Variants in CFAP57 observed in about 807,000 individuals in gnomAD.
The protein encoded by CFAP57 is cilia- and flagella-associated protein 57.
Under a neutral mutation model 146.8 loss-of-function variants are expected in CFAP57, and 116 were observed. The observed-to-expected ratio is 0.79, with a 90% CI of 0.68 to 0.92. CFAP57 has a LOEUF of 0.92. Ranked by LOEUF, CFAP57 falls within the 40% of genes least tolerant of loss-of-function variation. CFAP57 has a pLI of 0.00. For missense variants in CFAP57, 1,377 were observed against 1,527.2 expected (o/e 0.90, Z 1.64); for synonymous variants, 518 against 552.8 (o/e 0.94, Z 0.88).
chr1:43,188,418 G>C (rs1643288760), intron 6 of CFAP57, among the ~76,000 whole-genome samples: 1 of 152,026 alleles, frequency 6.6e-6, no homozygotes, highest in African/African-American at 2.4e-5. Context: ...TGAGCATTCT[G>C]ATTTCTCTAT....
At chr1:43,243,801 C>T (rs2124666169) in intron 22 of CFAP57, among the ~76,000 whole-genome samples, 1 of 152,046 alleles carries the variant, frequency 6.6e-6, no homozygotes, top group Non-Finnish European at 1.5e-5. Flanking sequence ...TGAACCTGTA[C>T]AATTAAAATG....
intron 21 of CFAP57, among the ~76,000 whole-genome samples, chr1:43,236,813 G>T (rs1396603261): frequency 6.6e-6 from 1 of 151,790 alleles, no homozygotes; most frequent in Non-Finnish European, 1.5e-5. Context: ...GGAGGCTGAG[G>T]CAGGAGAATG....
In CFAP57 at chr1:43,201,343, T is replaced by C. The variant is rs373806878; in HGVS notation, c.1542+1840T>C. Among the ~76,000 whole-genome samples, 3 of 152,196 alleles carry C rather than the reference T, an allele frequency of 2.0e-5. No homozygotes were observed. The highest frequency in any genetic ancestry group is 3.8e-4 in the East Asian group (2 of 5,204). On this transcript the variant is annotated intron_variant, in intron 9 of 22. Transcript: ENST00000372492. This position sits in a 1 kb window ranked among gnomAD's most constrained non-coding sequence, Gnocchi z 4.4. Reference sequence around the variant, plus strand: ...AGAAGCCAAGGAACTAAACAATTTCTGAAAGGTTGAAGTGGTCAGTGGTAC... The same window carrying C: ...AGAAGCCAAGGAACTAAACAATTTCCGAAAGGTTGAAGTGGTCAGTGGTAC...
chr1:43,244,369 G>T (rs1441370492), intron 22 of CFAP57, among the ~76,000 whole-genome samples: 1 of 152,120 alleles, frequency 6.6e-6, no homozygotes, highest in Non-Finnish European at 1.5e-5. Flanking sequence ...TGGCTGAAAG[G>T]TACACAGGAA....
chr1:43,215,621 A>G (rs1644804647), intron 12 of CFAP57, among the ~76,000 whole-genome samples: 1 of 152,158 alleles, frequency 6.6e-6, no homozygotes, highest in Admixed American at 6.5e-5. Context: ...TCTTTCTGCC[A>G]TGTGATCATC....
chr1:43,236,280 T>C (rs532540661), intron 21 of CFAP57, among the ~76,000 whole-genome samples: 12 of 151,676 alleles, frequency 7.9e-5, no homozygotes, highest in Middle Eastern at 3.4e-3. Flanking sequence ...GGGGTGCGGG[T>C]CTCCGGGTCC....
chr1:43,236,805 AGGCTGAG>A (rs921509944), intron 21 of CFAP57, among the ~76,000 whole-genome samples: 1 of 151,534 alleles, frequency 6.6e-6, no homozygotes, highest in Non-Finnish European at 1.5e-5. Flanking sequence ...GCTACTCTGG[AGGCTGAG>A]GCAGGAGAAT....
At chr1:43,231,576 G>C (rs192558142) in intron 18 of CFAP57, among the ~76,000 whole-genome samples, 131 of 152,108 alleles carry the variant, frequency 8.6e-4, no homozygotes, top group African/African-American at 3.1e-3. Context: ...CTTTCAGCCC[G>C]GGCGCAGTGG....
Position 43,209,893 on chromosome 1 carries a change from G to A in CFAP57, c.1906G>A (p.Ala636Thr). The change falls in exon 11 of 23, where the codon GCC (alanine) becomes ACC (threonine). Residue 636 changes from alanine (A) to threonine (T), a missense_variant. Physicochemically the swap from Ala to Thr is moderately conservative, Grantham distance 58 (BLOSUM62 0). Transcript: ENST00000372492. ...GCAGAAGGAATTCAATGAGTACCAGGCCCATGCCGGTCCTATCACCAAGGT... is the reference window on the plus strand; with the variant it reads ...GCAGAAGGAATTCAATGAGTACCAGACCCATGCCGGTCCTATCACCAAGGT... ...PLQKEFNEYQ[A>T]HAGPITKMLL... 1 of 1,614,206 alleles carries A rather than the reference G, an allele frequency of 6.2e-7. No individual in the cohort carries two copies. The highest frequency in any genetic ancestry group is 1.3e-5 in the African/African-American group (1 of 75,044).
In CFAP57 at chr1:43,222,306, G is replaced by A. The variant is rs1645076991; in HGVS notation, c.2532+11G>A. On this transcript the variant is annotated intron_variant, in intron 15 of 22. Transcript: ENST00000372492. ...ACCCTTCTGGAAGAGGTACTCACAG[G>A]AAGCCATGCTGTGCCTCCCTTTCAC... 1.4e-6 allele frequency: 2 copies of A among 1,416,016 alleles called. No individual in the cohort carries two copies. The highest frequency in any genetic ancestry group is 2.7e-5 in the East Asian group (1 of 37,698). 87.7% of individuals were successfully genotyped at this position (1,416,016 alleles called of 1,614,324 possible). A position where few individuals can be genotyped will look rare whatever the true frequency, so the allele number is the denominator to read the frequency against.
chr1:43,191,638 T>G (rs1643537571), intron 6 of CFAP57, among the ~76,000 whole-genome samples: 1 of 150,416 alleles, frequency 6.6e-6, no homozygotes, highest in African/African-American at 2.5e-5. Context: ...CTGATTGTAT[T>G]AATATGATTT....
At chr1:43,193,707 T>C (rs1205194502) in intron 6 of CFAP57, among the ~76,000 whole-genome samples, 1 of 151,904 alleles carries the variant, frequency 6.6e-6, no homozygotes, top group Non-Finnish European at 1.5e-5. Context: ...CAATGACATA[T>C]TCTTATAATT....
At chr1:43,197,836 C>A in intron 7 of CFAP57, 144 bp downstream of exon 7, 1 of 1,195,782 alleles carries the variant, frequency 8.4e-7, no homozygotes, top group Non-Finnish European at 1.2e-6. Context: ...AGTCAGTCAA[C>A]CTACCTGTTT....
chr1:43,172,369 TTGAAAGTGTC>T lies in CFAP57; in HGVS notation c.-103_-94del. On this transcript the variant is annotated 5_prime_UTR_variant, in exon 1 of 23. Coordinates refer to ENST00000372492, the MANE Select transcript of CFAP57 (RefSeq NM_001378189.1). ...GTTGCTATAGGAACCGCTACGGCGT[TTGAAAGTGTC>T]CGGGTTGCTTAGGATCCCTACAGGT... is the stretch of plus-strand genomic sequence containing the variant. 3 of 1,551,342 alleles carry T rather than the reference TTGAAAGTGTC, an allele frequency of 1.9e-6. No homozygotes were observed. The highest frequency in any genetic ancestry group is 1.7e-6 in the Non-Finnish European group (2 of 1,146,892).
At chr1:43,250,138 C>T (rs575032353) in intron 22 of CFAP57, 1 of 152,398 alleles carries the variant, frequency 6.6e-6, no homozygotes, top group East Asian at 1.9e-4. Context: ...GTTTGGTAGA[C>T]ACAACATGTA....
chr1:43,208,787 G>A (rs932276012), intron 10 of CFAP57, among the ~76,000 whole-genome samples: 3 of 73,092 alleles, frequency 4.1e-5, no homozygotes, highest in Non-Finnish European at 7.9e-5. Context: ...AGAACTTAAA[G>A]TATAACAATA....
chr1:43,193,979 C>A (rs4660716), intron 6 of CFAP57, among the ~76,000 whole-genome samples: 27,413 of 151,750 alleles, frequency 0.18, 3,581 homozygotes, highest in African/African-American at 0.35. Context: ...ATATTGTTTC[C>A]TACAATTGCT....
intron 17 of CFAP57, among the ~76,000 whole-genome samples, chr1:43,225,702 A>G: frequency 6.6e-6 from 1 of 152,212 alleles, no homozygotes; most frequent in East Asian, 1.9e-4. Context: ...TTTTAGGCTT[A>G]GATTTGCTTC....
intron 15 of CFAP57, 109 bp downstream of exon 15, chr1:43,222,404 T>TAGAAACCATGTCTGACC: frequency 9.6e-7 from 1 of 1,041,864 alleles, no homozygotes; most frequent in Non-Finnish European, 1.3e-6. Flanking sequence ...ATACACTGGG[T>TAGAAACCATGTCTGACC]CAGACATGGT....
Sources: allele counts gnomAD v4.1 joint callset (sites outside exome capture counted in the v4.1 genomes callset), GRCh38; gene constraint gnomAD v4.1.1; non-coding constraint Gnocchi (gnomAD v3.1); transcripts MANE v1.5; gene names NCBI Gene and HGNC (gene_info 2026-07-23, HGNC 2026-07-21).